The following LHFPL2 variants were observed in gnomAD, a reference collection of about 807,000 sequenced individuals.
LHFPL2 encodes the protein LHFPL tetraspan subfamily member 2 protein.
In LHFPL2, 7 loss-of-function variants were observed where a neutral mutation model predicts 17.5. The ratio of observed to expected loss-of-function variants is 0.40; its 90% confidence interval spans 0.23 to 0.75. The LOEUF (loss-of-function observed/expected upper bound fraction) is 0.75. LHFPL2 is among the 30% of genes least tolerant of loss of function. The pLI is 0.37. For missense variants in LHFPL2, 241 were observed against 294.8 expected (o/e 0.82, Z 1.34); for synonymous variants, 134 against 116.2 (o/e 1.15, Z -0.99).
intron 1 of LHFPL2, among the ~76,000 whole-genome samples, chr5:78,644,076 A>G (rs1016655490): frequency 1.3e-5 from 2 of 152,156 alleles, no homozygotes; most frequent in African/African-American, 2.4e-5. Context: ...GGAAAATAAA[A>G]TAAAATACCA....
chr5:78,504,074 C>T (rs1347905354), intron 4 of LHFPL2, among the ~76,000 whole-genome samples: 1 of 152,136 alleles, frequency 6.6e-6, no homozygotes, highest in South Asian at 2.1e-4. Flanking sequence ...GAAATGTGTC[C>T]TATCAGTGGT....
chr5:78,575,804 C>A (rs115127293), intron 2 of LHFPL2, among the ~76,000 whole-genome samples: 2,071 of 152,282 alleles, frequency 0.014, 47 homozygotes, highest in African/African-American at 0.046. Flanking sequence ...AATTTAGTTT[C>A]TAGGTCTCTG....
At chr5:78,566,273 C>A (rs1203459790) in intron 2 of LHFPL2, among the ~76,000 whole-genome samples, 1 of 152,174 alleles carries the variant, frequency 6.6e-6, no homozygotes, top group Non-Finnish European at 1.5e-5. Flanking sequence ...ATCAGCAGCA[C>A]CAGTGTTAAT....
At chr5:78,581,803 A>C (rs566493849) in intron 2 of LHFPL2, among the ~76,000 whole-genome samples, 1 of 152,364 alleles carries the variant, frequency 6.6e-6, no homozygotes, top group African/African-American at 2.4e-5. Flanking sequence ...TGCTGGCCTC[A>C]TAAAATGAGT....
intron 2 of LHFPL2, among the ~76,000 whole-genome samples, chr5:78,577,609 T>G (rs1757165302): frequency 1.3e-5 from 2 of 152,198 alleles, no homozygotes; most frequent in Non-Finnish European, 2.9e-5. Flanking sequence ...ACAGTCATAC[T>G]GCACTCTCCC....
rs551523110 is a variant in LHFPL2 at position 78,514,232 on chromosome 5, G to A, written c.-185-3834C>T. On this transcript the variant is annotated intron_variant, in intron 3 of 4. Coordinates refer to ENST00000380345, the MANE Select transcript of LHFPL2 (RefSeq NM_005779.3). The stretch of plus-strand genomic sequence containing the variant: ...TTCTTCTCTACGGGCCACTAAATAC[G>A]TTTCCCCTCGACAACACCTGACCTT... Among the ~76,000 whole-genome samples the A allele has an allele frequency of 7.9e-5, 12 of 152,062 alleles. No homozygotes were observed. In the East Asian group the frequency reaches 9.6e-4, roughly 12 times the overall value.
At chr5:78,640,662 GA>G (rs1161676290) in intron 1 of LHFPL2, among the ~76,000 whole-genome samples, 2 of 151,892 alleles carry the variant, frequency 1.3e-5, no homozygotes, top group African/African-American at 2.4e-5. Flanking sequence ...GAAAAATAAA[GA>G]AAAAAAATTA....
At chr5:78,581,539 T>G (rs866193474) in intron 2 of LHFPL2, among the ~76,000 whole-genome samples, 1 of 152,178 alleles carries the variant, frequency 6.6e-6, no homozygotes, top group Admixed American at 6.5e-5. Flanking sequence ...CTGCATCTAC[T>G]GAGATAATCA....
intron 1 of LHFPL2, among the ~76,000 whole-genome samples, chr5:78,647,115 G>C (rs976094046): frequency 6.6e-6 from 1 of 152,172 alleles, no homozygotes. Context: ...ATCAGAATCA[G>C]ATTTCTAACA....
chr5:78,611,558 G>A (rs1744423942), intron 2 of LHFPL2, among the ~76,000 whole-genome samples: 1 of 152,196 alleles, frequency 6.6e-6, no homozygotes. Context: ...TGAGGGCTGA[G>A]GATCAGAAAG....
In LHFPL2 at chr5:78,493,167, G is replaced by A. The variant is rs151257638; in HGVS notation, c.431-4014C>T. Among the ~76,000 whole-genome samples the A allele has an allele frequency of 5.4e-3, 824 of 152,292 alleles. 4 individuals are homozygous for A. The highest frequency in any genetic ancestry group is 0.019 in the African/African-American group (778 of 41,560). On this transcript the variant is annotated intron_variant, in intron 4 of 4. Transcript: ENST00000380345. The stretch of plus-strand genomic sequence containing the variant: ...AGCCTCTTCTACCAAAGGAATCCCA[G>A]CAAGATCAGTGACTTGGGTGTCCCT...
intron 4 of LHFPL2, among the ~76,000 whole-genome samples, chr5:78,494,930 A>G (rs1754558148): frequency 6.6e-6 from 1 of 152,230 alleles, no homozygotes; most frequent in African/African-American, 2.4e-5. Context: ...GCCAAGTCAC[A>G]GTCCTGATTT....
At position 78,487,489 on chromosome 5, in the gene LHFPL2, T is replaced by C. The variant is rs1350636323; in HGVS notation, c.*1408A>G. 1 of 152,254 alleles carries C rather than the reference T, an allele frequency of 6.6e-6. No individual in the cohort carries two copies. The highest frequency in any genetic ancestry group is 2.4e-5 in the African/African-American group (1 of 41,464). The allele number at this position is 152,254 out of a possible 1,614,324, so 9.4% of individuals were successfully genotyped here. On this transcript the variant is annotated 3_prime_UTR_variant, in exon 5 of 5. Coordinates refer to ENST00000380345, the MANE Select transcript of LHFPL2 (RefSeq NM_005779.3). Reference sequence around the variant, plus strand: ...TCCTTCCAGAAATCTGGCAGTTCCATCTCACTTTCTTAAAGTGCTAAGGAG... The same window carrying C: ...TCCTTCCAGAAATCTGGCAGTTCCACCTCACTTTCTTAAAGTGCTAAGGAG...
chr5:78,558,861 CT>C (rs1034860772), intron 3 of LHFPL2, among the ~76,000 whole-genome samples: 6 of 152,122 alleles, frequency 3.9e-5, no homozygotes, highest in African/African-American at 1.2e-4. Flanking sequence ...GAGCAGATGA[CT>C]TTTTTTCCCA....
chr5:78,490,385 A>G (rs1432117106), intron 4 of LHFPL2, among the ~76,000 whole-genome samples: 1 of 152,184 alleles, frequency 6.6e-6, no homozygotes, highest in East Asian at 1.9e-4. Context: ...AAAAAGCCAG[A>G]GGCCTGAAAT....
intron 3 of LHFPL2, among the ~76,000 whole-genome samples, chr5:78,547,110 G>A (rs1422951163): frequency 6.6e-6 from 1 of 151,996 alleles, no homozygotes; most frequent in Non-Finnish European, 1.5e-5. Flanking sequence ...GGAACACTCT[G>A]TGGAACAGGC....
chr5:78,637,951 C>T (rs1274308139), intron 1 of LHFPL2, among the ~76,000 whole-genome samples: 1 of 152,224 alleles, frequency 6.6e-6, no homozygotes, highest in African/African-American at 2.4e-5. Flanking sequence ...TCCTCCCTCA[C>T]ACTGTTCACT....
At chr5:78,631,493 AG>A (rs1745244918) in intron 2 of LHFPL2, among the ~76,000 whole-genome samples, 1 of 152,258 alleles carries the variant, frequency 6.6e-6, no homozygotes, top group Non-Finnish European at 1.5e-5. Context: ...CACAGACAAG[AG>A]GAAAAAGATG....
intron 2 of LHFPL2, among the ~76,000 whole-genome samples, chr5:78,579,446 C>T (rs1472523406): frequency 6.6e-6 from 1 of 152,128 alleles, no homozygotes; most frequent in African/African-American, 2.4e-5. Context: ...CACCCACTAA[C>T]TCGTCATCTA....
Sources: allele counts gnomAD v4.1 joint callset (sites outside exome capture counted in the v4.1 genomes callset), GRCh38; gene constraint gnomAD v4.1.1; transcripts MANE v1.5; gene names NCBI Gene and HGNC (gene_info 2026-07-23, HGNC 2026-07-21).